The following KHDC4 variants were observed in gnomAD, a reference collection of about 807,000 sequenced individuals.
KHDC4 encodes KH domain containing 4, pre-mRNA splicing factor, also known as KH homology domain-containing protein 4.
A neutral mutation model predicts 74.5 loss-of-function variants in KHDC4; 19 were observed. That is an observed-to-expected ratio of 0.26 (90% CI 0.18 to 0.37). The LOEUF (loss-of-function observed/expected upper bound fraction) is 0.37. KHDC4 is among the 10% of genes least tolerant of loss of function. The pLI, the probability that KHDC4 is intolerant of heterozygous loss-of-function variation, is 1.00. For missense variants in KHDC4, 632 were observed against 754.1 expected (o/e 0.84, Z 1.90); for synonymous variants, 253 against 266.1 (o/e 0.95, Z 0.48).
chr1:155,925,398 G>A (rs1446939420), intron 7 of KHDC4, among the ~76,000 whole-genome samples: 1 of 151,814 alleles, frequency 6.6e-6, no homozygotes, highest in Non-Finnish European at 1.5e-5. Context: ...AAACTCCTGG[G>A]CTCAAGTGGT....
At chr1:155,931,450 C>T (rs151188037) in intron 2 of KHDC4, among the ~76,000 whole-genome samples, 97 of 152,206 alleles carry the variant, frequency 6.4e-4, no homozygotes, top group African/African-American at 2.2e-3. Context: ...AAAAATTAGC[C>T]GGGCATGGTG....
intron 10 of KHDC4, chr1:155,920,000 A>G: frequency 1.9e-6 from 1 of 518,130 alleles, no homozygotes; most frequent in Middle Eastern, 3.2e-4. Flanking sequence ...TGGGTACACT[A>G]TGAGAGGCCC....
chr1:155,921,608 T>G lies in KHDC4; in HGVS notation c.1033A>C (p.Ile345Leu). The change falls in exon 10 of 14, where the codon ATA (isoleucine) becomes CTA (leucine). Residue 345 changes from isoleucine to leucine, a missense_variant. By Grantham distance (5) the Ile-to-Leu change is conservative. Coordinates refer to ENST00000368321, the MANE Select transcript of KHDC4 (RefSeq NM_014949.4). ...PLPGYTQPSAISSVPPQPPYY... is the reference protein window; with the variant it reads ...PLPGYTQPSALSSVPPQPPYY... ...GGTGGTTGAGGAGGGACACTACTTA[T>G]AGCAGAGGGTTGTGTATAGCCTGAG... 6.2e-7 allele frequency: 1 copy of G among 1,613,948 alleles called. No individual in the cohort carries two copies. Among genetic ancestry groups the G allele is most frequent in the Non-Finnish European group, 8.5e-7 (1 of 1,179,910 alleles).
At chr1:155,922,009 T>C in intron 8 of KHDC4, 91 bp from the exon 9 acceptor site, 1 of 758,992 alleles carries the variant, frequency 1.3e-6, no homozygotes, top group South Asian at 1.7e-5. Flanking sequence ...CCAAAGCCAT[T>C]AGGAATTAAA....
At chr1:155,930,134 A>C (rs923866341) in intron 2 of KHDC4, among the ~76,000 whole-genome samples, 3 of 152,218 alleles carry the variant, frequency 2.0e-5, no homozygotes, top group African/African-American at 7.2e-5. Context: ...GCTGGTCTCG[A>C]ACTCCTGACC....
At chr1:155,927,832 C>CCACACACCCA (rs1553231146) in intron 4 of KHDC4, among the ~76,000 whole-genome samples, 3 of 90,930 alleles carry the variant, frequency 3.3e-5, no homozygotes, top group Admixed American at 1.5e-4. Context: ...AAAAAAAAAA[C>CCACACACCCA]CACACACACA....
rs1017534337 is a variant in KHDC4 at position 155,926,944 on chromosome 1, A to G, written c.518-105T>C. ...TAAATCTGCTTTATACGTTACCCAAATATGTGGCTCTCCATCCCTCTAAAC... is the reference window on the plus strand; with the variant it reads ...TAAATCTGCTTTATACGTTACCCAAGTATGTGGCTCTCCATCCCTCTAAAC... On this transcript the variant is annotated intron_variant, in intron 5 of 13. Coordinates refer to ENST00000368321, the MANE Select transcript of KHDC4 (RefSeq NM_014949.4). 26 of 1,381,492 alleles carry G rather than the reference A, an allele frequency of 1.9e-5. No individual in the cohort carries two copies. In the Admixed American group the frequency reaches 4.1e-4, roughly 22 times the overall value. The allele number at this position is 1,381,492 out of a possible 1,614,324, so 85.6% of individuals were successfully genotyped here.
intron 12 of KHDC4, 83 bp downstream of exon 12, chr1:155,916,542 A>C (rs1673734041): frequency 2.3e-6 from 2 of 886,442 alleles, no homozygotes; most frequent in Non-Finnish European, 3.5e-6. Context: ...CAGAATACTT[A>C]AGCTCATAGC....
chr1:155,933,668 C>T lies in KHDC4; in HGVS notation c.220G>A (p.Gly74Arg). The T allele has an allele frequency of 6.2e-7, 1 of 1,610,894 alleles. No homozygotes were observed. Among genetic ancestry groups the T allele is most frequent in the Non-Finnish European group, 8.5e-7 (1 of 1,177,396 alleles). ...AKINAMLMAK[G>R]KLKPTQNASE... ...GCATTCTGAGTTGGTTTCAGCTTCCCTTTTGCCATGAGCATGGCATTAATC... is the reference window on the plus strand; with the variant it reads ...GCATTCTGAGTTGGTTTCAGCTTCCTTTTTGCCATGAGCATGGCATTAATC... The change falls in exon 2 of 14, where the codon GGG (glycine) becomes AGG (arginine). Residue 74 changes from glycine to arginine, a missense_variant. Physicochemically the swap from Gly to Arg is moderately radical, Grantham distance 125. Coordinates refer to ENST00000368321, the MANE Select transcript of KHDC4 (RefSeq NM_014949.4).
At chr1:155,921,334 C>T in intron 10 of KHDC4, 41 bp downstream of exon 10, 1 of 1,598,204 alleles carries the variant, frequency 6.3e-7, no homozygotes. Flanking sequence ...CCAGTTTTTC[C>T]TAAATTCAGT....
rs1310567602 is a variant in KHDC4, at chr1:155,934,361, T to C, written c.13A>G (p.Ser5Gly). 6.2e-6 allele frequency: 10 copies of C among 1,611,178 alleles called. No individual in the cohort carries two copies. The African/African-American group carries it at 1.3e-4, about 22-fold the overall frequency. MSAG[S>G]ATHPGAGGRR... ...CCGCCAGCTCCAGGATGTGTCGCGCTCCCCGCGGACATGGCGACCGCTTCT... is the reference window on the plus strand; with the variant it reads ...CCGCCAGCTCCAGGATGTGTCGCGCCCCCCGCGGACATGGCGACCGCTTCT... Residue 5 changes from serine (S) to glycine (G), a missense_variant, in exon 1 of 14, where the codon AGC becomes GGC. Physicochemically the swap from Ser to Gly is moderately conservative, Grantham distance 56. Around this residue, in one of 4 missense-constraint regions of KHDC4, gnomAD observed 104 missense variants for 78.1 expected, o/e 1.33. Coordinates refer to ENST00000368321, the MANE Select transcript of KHDC4 (RefSeq NM_014949.4).
Position 155,925,821 on chromosome 1 carries a change from A to C in KHDC4, c.704T>G (p.Leu235Ter), listed in dbSNP as rs752005369. 6.2e-7 allele frequency: 1 copy of C among 1,613,420 alleles called. No homozygotes were observed. The highest frequency in any genetic ancestry group is 8.5e-7 in the Non-Finnish European group (1 of 1,179,346). Residue 235 changes from leucine (L) to a stop codon, truncating the protein, a stop_gained, in exon 7 of 14, where the codon TTA (leucine) becomes TGA (stop). Coordinates refer to ENST00000368321, the MANE Select transcript of KHDC4 (RefSeq NM_014949.4). LOFTEE classifies it high-confidence loss of function. ...TACAGCATGTTCTAGACCCACAAAT[A>C]ATTTATCTTGAACATAATGCATCTG... ...QSGMHYVQDKLFVGLEHAVPT... is the reference protein window; with the variant it reads ...QSGMHYVQDK
Position 155,921,632 on chromosome 1 carries a change from AGGGGG to A in KHDC4, c.1013-9_1013-5del, listed in dbSNP as rs1572007802. 4 of 1,606,154 alleles carry A rather than the reference AGGGGG, an allele frequency of 2.5e-6. No individual in the cohort carries two copies. The highest frequency in any genetic ancestry group is 1.7e-5 in the Admixed American group (1 of 59,650). Reference sequence around the variant, plus strand: ...ATAGCAGAGGGTTGTGTATAGCCTGAGGGGGAAGAAAAAAAGTGTTTAATCAGCTG... The same window carrying A: ...ATAGCAGAGGGTTGTGTATAGCCTGAAAGAAAAAAAGTGTTTAATCAGCTG... On this transcript the variant is annotated splice_region_variant and splice_polypyrimidine_tract_variant and intron_variant, in intron 9 of 13. Coordinates refer to ENST00000368321, the MANE Select transcript of KHDC4 (RefSeq NM_014949.4).
chr1:155,929,027 A>G (rs1162154112), intron 4 of KHDC4, among the ~76,000 whole-genome samples: 2 of 152,144 alleles, frequency 1.3e-5, no homozygotes, highest in African/African-American at 4.8e-5. Context: ...GAGTATATAC[A>G]TTAAATGTTA....
At chr1:155,922,180 C>CT (rs1673882582) in intron 8 of KHDC4, among the ~76,000 whole-genome samples, 1 of 130,500 alleles carries the variant, frequency 7.7e-6, no homozygotes, top group Admixed American at 9.3e-5. Flanking sequence ...CAGTCTCACT[C>CT]TGTCACCCAG....
At chr1:155,916,910 T>G (rs1489451351) in intron 11 of KHDC4, 173 bp from the exon 12 acceptor site, 1 of 531,678 alleles carries the variant, frequency 1.9e-6, no homozygotes, top group Non-Finnish European at 3.3e-6. Flanking sequence ...GGGATTTTTT[T>G]TTTTCTCTAT....
intron 10 of KHDC4, among the ~76,000 whole-genome samples, chr1:155,918,065 C>T (rs1301540454): frequency 1.3e-5 from 2 of 152,180 alleles, no homozygotes; most frequent in East Asian, 3.8e-4. Context: ...CTTCCACTCC[C>T]TTAGTTATCA....
In KHDC4 at chr1:155,931,243, T is replaced by C. The variant is rs1482630004; in HGVS notation, c.256-1403A>G. 1.5e-4 allele frequency among the ~76,000 whole-genome samples: 22 copies of C among 148,350 alleles called. 1 individual carries two copies. The South Asian group carries it at 2.8e-3, about 19-fold the overall frequency. ...AGGCTGAGGCAGCAGAAAGCAGTGA[T>C]TGTGCCACTGAACTCCAGCCTGGGC... On this transcript the variant is annotated intron_variant, in intron 2 of 13. Transcript: ENST00000368321.
intron 11 of KHDC4, 72 bp from the exon 12 acceptor site, chr1:155,916,809 C>T: frequency 3.2e-6 from 3 of 943,040 alleles, no homozygotes; most frequent in Non-Finnish European, 5.0e-6. Context: ...CTTAATGTAA[C>T]TGTCAAGTGC....
Sources: gnomAD v4.1 joint callset for allele counts (sites outside exome capture counted in the v4.1 genomes callset) on GRCh38, gnomAD v4.1.1 for gene constraint, gnomAD v4.1.1 regional missense constraint, MANE v1.5 for transcripts, NCBI Gene and HGNC (gene_info 2026-07-23, HGNC 2026-07-21) for gene names.